The following RFC5 variants were observed in gnomAD, a reference collection of about 807,000 sequenced individuals.
RFC5 encodes A1 36 kDa subunit.
A neutral mutation model predicts 44.3 loss-of-function variants in RFC5; 26 were observed. That is an observed-to-expected ratio of 0.59 (90% CI 0.43 to 0.81). RFC5 has a LOEUF of 0.81. Ranked by LOEUF, RFC5 falls within the 40% of genes least tolerant of loss-of-function variation. The pLI is 0.00. For missense variants in RFC5, 328 were observed against 418.6 expected (o/e 0.78, Z 1.89); for synonymous variants, 155 against 155.2 (o/e 1.00, Z 0.01).
At chr12:118,040,402 C>T in the RFC5 span, among the ~76,000 whole-genome samples, 23 of 152,210 alleles carry the variant, frequency 1.5e-4, no homozygotes, top group African/African-American at 5.3e-4. Context: ...TTTCCAGAGC[C>T]ACTGCATGGA....
At chr12:118,020,585 G>A (rs557735093) in intron 3 of RFC5, among the ~76,000 whole-genome samples, 1 of 152,278 alleles carries the variant, frequency 6.6e-6, no homozygotes, top group South Asian at 2.1e-4. Context: ...TAAGAACTTG[G>A]TAACTTAGGA....
chr12:118,036,194 T>C, downstream of RFC5: 10 of 990,102 alleles, frequency 1.0e-5, no homozygotes, highest in African/African-American at 1.6e-5. Flanking sequence ...AGAGCGAGAC[T>C]CCGTCTCAAA....
chr12:118,040,654 CAAAA>C, the RFC5 span, among the ~76,000 whole-genome samples: 1 of 120,008 alleles, frequency 8.3e-6, no homozygotes, highest in African/African-American at 3.1e-5. Flanking sequence ...GGCTCTGTCT[CAAAA>C]AAAAAAAAAA....
chr12:118,020,331 C>T (rs2030399261), intron 3 of RFC5, among the ~76,000 whole-genome samples: 1 of 152,220 alleles, frequency 6.6e-6, no homozygotes, highest in African/African-American at 2.4e-5. Context: ...CTAAGCCCTT[C>T]AGGCTCAAGG....
At chr12:118,035,627 C>T (rs527643176), downstream of RFC5, 3 of 315,154 alleles carry the variant, frequency 9.5e-6, no homozygotes, top group Admixed American at 1.4e-4. Context: ...GGCTAAGATA[C>T]ATGATAATTA....
downstream of RFC5, chr12:118,035,831 T>C (rs1204144547): frequency 1.2e-5 from 2 of 163,786 alleles, no homozygotes; most frequent in East Asian, 1.8e-4. Context: ...TCCGAAGAAG[T>C]ACACACAGCC....
At chr12:118,022,465 G>GTT in intron 5 of RFC5, 106 bp downstream of exon 5, 4 of 788,646 alleles carry the variant, frequency 5.1e-6, no homozygotes, top group African/African-American at 1.8e-5. Context: ...GCGGGGGGGA[G>GTT]TTTTTTTTTC....
At chr12:118,035,193 A>G (rs371247871), downstream of RFC5, 58 of 1,613,766 alleles carry the variant, frequency 3.6e-5, no homozygotes, top group Non-Finnish European at 4.6e-5. Context: ...GAGGCCATGT[A>G]AAGAGAGTTC....
chr12:118,032,661 A>G (rs986670485), downstream of RFC5: 2 of 152,104 alleles, frequency 1.3e-5, no homozygotes, highest in African/African-American at 2.4e-5. Context: ...AGCTGGGGCT[A>G]CCATGCACAC....
In RFC5 at chr12:118,025,848, CTT is replaced by C. The variant is rs750369555; in HGVS notation, c.663+37_663+38del. On this transcript the variant is annotated intron_variant, in intron 7 of 10. Coordinates refer to ENST00000454402, the MANE Select transcript of RFC5 (RefSeq NM_007370.7). ...TTGCAGGTATGGTCTCAAGCAAATC[CTT>C]TTTTTTTTTTTTTTTTGAGACAGAG... The C allele has an allele frequency of 0.042, 40,213 of 964,452 alleles. No individual in the cohort carries two copies. The highest frequency in any genetic ancestry group is 0.049 in the East Asian group (1,787 of 36,472). 59.7% of individuals were successfully genotyped at this position (964,452 alleles called of 1,614,324 possible).
Position 118,025,019 on chromosome 12 carries a change from T to G in RFC5, c.581+9T>G, listed in dbSNP as rs1394260319. On this transcript the variant is annotated intron_variant, in intron 6 of 10. Transcript: ENST00000454402. ...GTCGTGGAAGAAGAGAAGTGAGTAT[T>G]TTGCGGGCCTTTGGGGATGGAGTGT... The G allele has an allele frequency of 1.2e-6, 2 of 1,611,356 alleles. No homozygotes were observed. Among genetic ancestry groups the G allele is most frequent in the South Asian group, 2.2e-5 (2 of 90,706 alleles).
intron 1 of RFC5, among the ~76,000 whole-genome samples, chr12:118,017,167 G>A (rs2030145958): frequency 6.6e-6 from 1 of 152,220 alleles, no homozygotes; most frequent in African/African-American, 2.4e-5. Flanking sequence ...GACAGCACAG[G>A]GGTTCGATCC....
downstream of RFC5, chr12:118,034,971 C>T (rs1218671353): frequency 6.2e-7 from 1 of 1,612,710 alleles, no homozygotes; most frequent in Admixed American, 1.7e-5. Context: ...ATCTGTTCAG[C>T]TAACAAATAC....
At chr12:118,020,638 TG>T (rs1268885755) in intron 3 of RFC5, among the ~76,000 whole-genome samples, 1 of 152,182 alleles carries the variant, frequency 6.6e-6, no homozygotes, top group East Asian at 1.9e-4. Flanking sequence ...ATACCAGAGG[TG>T]CTGTTCAGTG....
chr12:118,016,906 G>A lies in RFC5; in HGVS notation c.65+14G>A. 4 of 1,610,856 alleles carry A rather than the reference G, an allele frequency of 2.5e-6. No homozygotes were observed. The highest frequency in any genetic ancestry group is 3.4e-6 in the Non-Finnish European group (4 of 1,178,244). On this transcript the variant is annotated intron_variant, in intron 1 of 10. Transcript: ENST00000454402. ...GAACCTGCCCTGGTAGGAGGAGGCC[G>A]AGCGGCGGCGGTGGGCAGAGGGGGC...
chr12:118,022,223 T>A, intron 4 of RFC5, 63 bp from the exon 5 acceptor site: 2 of 1,317,866 alleles, frequency 1.5e-6, no homozygotes, highest in Non-Finnish European at 2.2e-6. Context: ...AAGATATAGG[T>A]TTGAGCCCAG....
At chr12:118,038,784 G>A in the RFC5 span, among the ~76,000 whole-genome samples, 7 of 152,204 alleles carry the variant, frequency 4.6e-5, no homozygotes, top group South Asian at 1.0e-3. Context: ...AAGTTGAAGC[G>A]ATTCTCCTGC....
rs145751385 is a variant in RFC5, at chr12:118,018,755, G to T, written c.66-317G>T. ...CTTCGGGGTAGCTGGGGCTACAGGG[G>T]TATGCCACCATGCCCAGCTAATTTT... On this transcript the variant is annotated intron_variant, in intron 1 of 10. Coordinates refer to ENST00000454402, the MANE Select transcript of RFC5 (RefSeq NM_007370.7). Among the ~76,000 whole-genome samples the T allele has an allele frequency of 2.6e-4, 40 of 152,196 alleles. No individual in the cohort carries two copies. In the East Asian group the frequency reaches 7.5e-3, roughly 29 times the overall value.
rs114185171 is a variant in RFC5, at chr12:118,026,713, T to C, written c.664-176T>C. On this transcript the variant is annotated intron_variant, in intron 7 of 10. Coordinates refer to ENST00000454402, the MANE Select transcript of RFC5 (RefSeq NM_007370.7). ...CTGGAATAGCCAACAGGCTGTGGCA[T>C]CCTCTGATGAGGTGACTCTTCCGGT... Among the ~76,000 whole-genome samples the C allele has an allele frequency of 5.1e-3, 783 of 152,348 alleles. 4 individuals are homozygous for C. The highest frequency in any genetic ancestry group is 0.017 in the African/African-American group (720 of 41,586).
Sources: allele counts gnomAD v4.1 joint callset (sites outside exome capture counted in the v4.1 genomes callset), GRCh38; gene constraint gnomAD v4.1.1; transcripts MANE v1.5; gene names NCBI Gene and HGNC (gene_info 2026-07-23, HGNC 2026-07-21).